VWA8: variants seen among roughly 807,000 people sequenced by gnomAD.
The protein encoded by VWA8 is von Willebrand factor A domain containing 8.
VWA8 carries 221 observed loss-of-function variants against 241.5 expected under a neutral mutation model. The observed-to-expected ratio is 0.91, with a 90% CI of 0.82 to 1.02. The LOEUF is 1.02. Ranked by LOEUF, VWA8 falls within the 50% of genes least tolerant of loss-of-function variation. The probability of loss-of-function intolerance (pLI) is 0.00; values close to 1 mark genes in which losing one functional copy is unlikely to be tolerated. For missense variants in VWA8, 2,322 were observed against 2,328.7 expected, an observed-to-expected ratio of 1.00 and a Z score of 0.06; for synonymous variants, 852 against 827.1, an observed-to-expected ratio of 1.03 and a Z score of -0.52.
chr13:41,937,633 C>T (rs1317086588), intron 2 of VWA8, among the ~76,000 whole-genome samples: 1 of 152,094 alleles, frequency 6.6e-6, no homozygotes, highest in Non-Finnish European at 1.5e-5. Flanking sequence ...GGCCACAGAC[C>T]AGTACTGGAC....
intron 40 of VWA8, among the ~76,000 whole-genome samples, chr13:41,591,460 G>A (rs2044454442): frequency 1.3e-5 from 2 of 152,120 alleles, no homozygotes; most frequent in Admixed American, 6.5e-5. Flanking sequence ...ATTAATGAGT[G>A]GGAAGAATAG....
intron 20 of VWA8, among the ~76,000 whole-genome samples, chr13:41,770,659 T>C (rs1170166866): frequency 6.6e-6 from 1 of 151,774 alleles, no homozygotes; most frequent in Non-Finnish European, 1.5e-5. Context: ...TGTCATAGAA[T>C]TGAAATGAGT....
chr13:41,797,241 C>T (rs1465736611), intron 17 of VWA8, among the ~76,000 whole-genome samples: 3 of 151,192 alleles, frequency 2.0e-5, no homozygotes, highest in Admixed American at 6.6e-5. Flanking sequence ...AGGGTTTCAC[C>T]GTCTTGGCCA....
At chr13:41,931,595 T>C (rs1877123913) in intron 2 of VWA8, among the ~76,000 whole-genome samples, 2 of 151,982 alleles carry the variant, frequency 1.3e-5, no homozygotes, top group Admixed American at 1.3e-4. Flanking sequence ...AAAAAAAACA[T>C]GAGTAACTAT....
Position 41,865,944 on chromosome 13 carries a change from C to T in VWA8, c.1305G>A (p.Met435Ile), listed in dbSNP as rs542752059. The stretch of plus-strand genomic sequence containing the variant: ...ATATATCTTTAACCATGTGAGACTG[C>T]ATCATTTCAGCCTGTAGCTGCTTAT... ...LSHKQLQAEM[M>I]QSHMVKDICL... Residue 435 changes from methionine to isoleucine, a missense_variant, in exon 11 of 45, where the codon ATG becomes ATA. Met to Ile is a conservative substitution (Grantham distance 10). Transcript: ENST00000379310. 1.9e-6 allele frequency: 3 copies of T among 1,614,224 alleles called. No individual in the cohort carries two copies. The highest frequency in any genetic ancestry group is 1.3e-5 in the African/African-American group (1 of 75,060).
chr13:41,830,830 T>C (rs780597018), intron 13 of VWA8, among the ~76,000 whole-genome samples, 188 bp from the exon 14 acceptor site: 2 of 152,032 alleles, frequency 1.3e-5, no homozygotes, highest in Non-Finnish European at 2.9e-5. Flanking sequence ...TTGGTTTCTG[T>C]ACTGGAGGGC....
intron 34 of VWA8, among the ~76,000 whole-genome samples, chr13:41,685,484 C>T (rs568919453): frequency 7.9e-5 from 12 of 152,130 alleles, no homozygotes; most frequent in African/African-American, 2.9e-4. Flanking sequence ...AGTGAAACCC[C>T]GTCCCTATAA....
At chr13:41,701,554 T>C (rs1166904442) in intron 27 of VWA8, 24 bp from the exon 28 acceptor site, 4 of 1,512,902 alleles carry the variant, frequency 2.6e-6, no homozygotes, top group Non-Finnish European at 2.6e-6. Flanking sequence ...GTTATCTCAG[T>C]TAAGATATTT....
chr13:41,704,603 A>G lies in VWA8; in HGVS notation c.3117-1192T>C, dbSNP rs1450772398. Among the ~76,000 whole-genome samples, 4 of 152,050 alleles carry G rather than the reference A, an allele frequency of 2.6e-5. 1 individual carries two copies. The highest frequency in any genetic ancestry group is 2.9e-5 in the Non-Finnish European group (2 of 68,014). On this transcript the variant is annotated intron_variant, in intron 26 of 44. Transcript: ENST00000379310. ...CATCCTCCTAAGTAGCAGGGACTAC[A>G]GGCATGCAAAACTATGCCTGGCTAA...
intron 34 of VWA8, among the ~76,000 whole-genome samples, chr13:41,687,767 ATCT>A (rs1333813324): frequency 3.3e-5 from 5 of 152,098 alleles, no homozygotes; most frequent in Non-Finnish European, 7.4e-5. Flanking sequence ...GCTGACTCTA[ATCT>A]TCTATTTAAC....
intron 26 of VWA8, 142 bp from the exon 27 acceptor site, chr13:41,703,553 C>T (rs536243823): frequency 2.2e-5 from 14 of 642,932 alleles, no homozygotes; most frequent in African/African-American, 5.5e-5. Flanking sequence ...TTTTATTAAA[C>T]GACAGTGTAT....
chr13:41,740,478 C>T (rs527415782), intron 21 of VWA8, among the ~76,000 whole-genome samples: 4 of 152,182 alleles, frequency 2.6e-5, no homozygotes, highest in Admixed American at 6.5e-5. Flanking sequence ...AGACGGCTAT[C>T]GCTGCAGAGC....
chr13:41,701,858 G>A (rs1471145122), intron 27 of VWA8, among the ~76,000 whole-genome samples: 1 of 152,152 alleles, frequency 6.6e-6, no homozygotes, highest in Non-Finnish European at 1.5e-5. Context: ...GTATCAGGAC[G>A]CAGAGCTGTC....
chr13:41,711,942 CT>C (rs58734034), intron 26 of VWA8, among the ~76,000 whole-genome samples: 1,982 of 145,934 alleles, frequency 0.014, 27 homozygotes, highest in African/African-American at 0.04. Context: ...AATGCAAACA[CT>C]TTTTTTTTTT....
At chr13:41,882,060 A>G (rs1425616300) in intron 9 of VWA8, among the ~76,000 whole-genome samples, 1 of 118,912 alleles carries the variant, frequency 8.4e-6, no homozygotes, top group Non-Finnish European at 1.7e-5. Flanking sequence ...GGCGGTTGCC[A>G]GGCGGAGGGT....
At chr13:41,754,686 T>C (rs2045681079) in intron 21 of VWA8, among the ~76,000 whole-genome samples, 1 of 152,176 alleles carries the variant, frequency 6.6e-6, no homozygotes, top group Non-Finnish European at 1.5e-5. Flanking sequence ...GGGCAAATAC[T>C]ACATCATATG....
At chr13:41,683,022 T>C (rs2045111274) in intron 35 of VWA8, among the ~76,000 whole-genome samples, 1 of 152,110 alleles carries the variant, frequency 6.6e-6, no homozygotes, top group Non-Finnish European at 1.5e-5. Flanking sequence ...TGCAAAATGG[T>C]ATTTCCACTT....
intron 4 of VWA8, chr13:41,905,338 T>C (rs1028457589): frequency 4.6e-5 from 7 of 152,046 alleles, no homozygotes; most frequent in Non-Finnish European, 8.8e-5. Context: ...AACTGGACAG[T>C]TAGATATAAA....
At chr13:41,748,539 C>G (rs927825683) in intron 21 of VWA8, among the ~76,000 whole-genome samples, 2 of 152,048 alleles carry the variant, frequency 1.3e-5, no homozygotes, top group African/African-American at 4.8e-5. Flanking sequence ...TTGATCTTTT[C>G]AAAAAACTAG....
Sources: gnomAD v4.1 joint callset for allele counts (sites outside exome capture counted in the v4.1 genomes callset) on GRCh38, gnomAD v4.1.1 for gene constraint, MANE v1.5 for transcripts, NCBI Gene and HGNC (gene_info 2026-07-23, HGNC 2026-07-21) for gene names.